Variants in LAMA4 observed in about 807,000 individuals in gnomAD.
LAMA4 encodes the protein laminin subunit alpha 4.
LAMA4 carries 127 observed loss-of-function variants against 207.1 expected under a neutral mutation model. That is an observed-to-expected ratio of 0.61 (90% CI 0.53 to 0.71). The LOEUF (loss-of-function observed/expected upper bound fraction) is 0.71, where lower values mean the gene tolerates loss of function less well. LAMA4 is among the 30% of genes least tolerant of loss of function. The pLI, the probability that LAMA4 is intolerant of heterozygous loss-of-function variation, is 0.00. For missense variants in LAMA4, 2,093 were observed against 2,246.5 expected (o/e 0.93, Z 1.38); for synonymous variants, 761 against 816.0 (o/e 0.93, Z 1.15).
chr6:112,165,617 C>G (rs1157807708), intron 12 of LAMA4, among the ~76,000 whole-genome samples: 1 of 152,120 alleles, frequency 6.6e-6, no homozygotes, highest in Non-Finnish European at 1.5e-5. Flanking sequence ...AACACAGGCT[C>G]TATATTTGCA....
At chr6:112,173,604 C>T (rs1781850007) in intron 11 of LAMA4, among the ~76,000 whole-genome samples, 1 of 152,184 alleles carries the variant, frequency 6.6e-6, no homozygotes, top group African/African-American at 2.4e-5. Context: ...CTGGCATTGA[C>T]TGACATCTGA....
At chr6:112,178,579 A>C in intron 9 of LAMA4, 3 of 290,144 alleles carry the variant, frequency 1.0e-5, no homozygotes, top group South Asian at 3.5e-5. Context: ...TCCCCACTCC[A>C]CTCTTCCCTG....
chr6:112,181,182 C>T (rs1771807793), intron 9 of LAMA4, among the ~76,000 whole-genome samples: 1 of 152,154 alleles, frequency 6.6e-6, no homozygotes, highest in South Asian at 2.1e-4. Flanking sequence ...CAAATGAAGG[C>T]AAGACAGCAA....
intron 13 of LAMA4, among the ~76,000 whole-genome samples, chr6:112,163,672 A>G (rs1253166292): frequency 1.3e-5 from 2 of 152,192 alleles, no homozygotes; most frequent in African/African-American, 4.8e-5. Context: ...AGAAACAGCA[A>G]TGATAAGTCA....
intron 2 of LAMA4, among the ~76,000 whole-genome samples, chr6:112,221,328 T>G (rs1334913913): frequency 6.6e-6 from 1 of 152,196 alleles, no homozygotes; most frequent in Non-Finnish European, 1.5e-5. Context: ...CAACCAAAGA[T>G]CTACGAACAT....
intron 2 of LAMA4, among the ~76,000 whole-genome samples, chr6:112,226,385 T>A (rs1251435531): frequency 1.3e-5 from 2 of 152,148 alleles, no homozygotes; most frequent in Admixed American, 1.3e-4. Context: ...CCCTCATGAA[T>A]ATCATGCTTT....
rs3734286 is a variant in LAMA4 at position 112,150,486 on chromosome 6, G to C, written c.2173+25C>G. On this transcript the variant is annotated intron_variant, in intron 17 of 38. Transcript: ENST00000230538. ...TACACTCCAGTGAATCAACAGATGA[G>C]ACTTCAATTCTCTCTGATGCTTACC... 0.28 allele frequency: 381,529 copies of C among 1,380,656 alleles called. 55,647 individuals carry two copies. The highest frequency in any genetic ancestry group is 0.43 in the African/African-American group (30,513 of 70,320). 85.5% of individuals were successfully genotyped at this position (1,380,656 alleles called of 1,614,324 possible).
At chr6:112,150,033 T>C (rs776940107) in intron 17 of LAMA4, among the ~76,000 whole-genome samples, 1 of 152,204 alleles carries the variant, frequency 6.6e-6, no homozygotes, top group African/African-American at 2.4e-5. Context: ...CTATTTGGTC[T>C]CTGGGCCTGT....
chr6:112,115,922 G>A lies in LAMA4; in HGVS notation c.5053C>T (p.Leu1685=). 6.2e-7 allele frequency: 1 copy of A among 1,613,528 alleles called. No individual in the cohort carries two copies. Among genetic ancestry groups the A allele is most frequent in the Non-Finnish European group, 8.5e-7 (1 of 1,179,556 alleles). The change falls in exon 36 of 39, where the codon CTG becomes TTG. Residue 1685 remains leucine (L), a synonymous_variant. Coordinates refer to ENST00000230538, the MANE Select transcript of LAMA4 (RefSeq NM_001105206.3). ...CCATTGACACTGTGGCCGTGGACCA[G>A]GGTTCCGGAACTGCTTCTGGGACGG... ...EVRPRSSSGT[L]VHGHSVNGEY...
rs782300503 is a variant in LAMA4, at chr6:112,114,747, T to C, written c.5122A>G (p.Lys1708Glu). 1.2e-6 allele frequency: 2 copies of C among 1,607,908 alleles called. No homozygotes were observed. Among genetic ancestry groups the C allele is most frequent in the African/African-American group, 1.3e-5 (1 of 74,744 alleles). The change falls in exon 37 of 39, where the codon AAA (lysine) becomes GAA (glutamate). Residue 1708 changes from lysine (K) to glutamate (E), a missense_variant. By Grantham distance (56) the Lys-to-Glu change is moderately conservative. Transcript: ENST00000230538. ...VHMKNGQVIV[K>E]VNNGIRDFST... ...AAATCTCTGATGCCATTATTGACTTTCACTATGACCTGCAAAAGATAGGAC... is the reference window on the plus strand; with the variant it reads ...AAATCTCTGATGCCATTATTGACTTCCACTATGACCTGCAAAAGATAGGAC...
At chr6:112,215,336 C>A (rs1784567498) in intron 3 of LAMA4, among the ~76,000 whole-genome samples, 1 of 152,150 alleles carries the variant, frequency 6.6e-6, no homozygotes, top group Non-Finnish European at 1.5e-5. Context: ...ATGGCAACTT[C>A]TAGGGTTAAA....
chr6:112,235,187 C>A (rs1785830213), intron 2 of LAMA4, among the ~76,000 whole-genome samples: 1 of 152,212 alleles, frequency 6.6e-6, no homozygotes. Flanking sequence ...TGAAATACCC[C>A]TTTTTCCTTG....
intron 28 of LAMA4, among the ~76,000 whole-genome samples, chr6:112,131,980 T>C (rs116463724): frequency 0.01 from 1,585 of 152,230 alleles, 24 homozygotes; most frequent in African/African-American, 0.034. Context: ...TAAGCTGAGC[T>C]CAAATGCTCT....
At chr6:112,202,311 C>T (rs1783797355) in intron 4 of LAMA4, among the ~76,000 whole-genome samples, 1 of 151,892 alleles carries the variant, frequency 6.6e-6, no homozygotes, top group African/African-American at 2.4e-5. Context: ...GGACACAGGA[C>T]AAAAAAGTAA....
In LAMA4 at chr6:112,155,791, C is replaced by T. The variant is rs148256953; in HGVS notation, c.1818-85G>A. ...TTTAATGCTTGCTTTTTAAATACTT[C>T]TAGGATCACAGATGCTTCCTTCCTG... On this transcript the variant is annotated intron_variant, in intron 14 of 38. Coordinates refer to ENST00000230538, the MANE Select transcript of LAMA4 (RefSeq NM_001105206.3). 3.8e-4 allele frequency: 561 copies of T among 1,464,428 alleles called. 3 individuals carry two copies. Among genetic ancestry groups the T allele is most frequent in the Middle Eastern group, 1.7e-3 (10 of 5,762 alleles). The allele number at this position is 1,464,428 out of a possible 1,614,324, so 90.7% of individuals were successfully genotyped here.
intron 5 of LAMA4, among the ~76,000 whole-genome samples, chr6:112,192,658 C>T (rs1783186365): frequency 6.6e-6 from 1 of 152,208 alleles, no homozygotes; most frequent in South Asian, 2.1e-4. Flanking sequence ...GAGAGCCCAG[C>T]TGAGTTGGAG....
intron 2 of LAMA4, among the ~76,000 whole-genome samples, chr6:112,246,412 A>G (rs920844570): frequency 2.6e-5 from 4 of 152,134 alleles, no homozygotes; most frequent in Admixed American, 2.0e-4. Context: ...AAAAAACTCT[A>G]AAGTAGGGGA....
At chr6:112,116,019 C>T (rs782250579) in intron 35 of LAMA4, 26 bp from the exon 36 acceptor site, 2 of 1,600,362 alleles carry the variant, frequency 1.2e-6, no homozygotes, top group Non-Finnish European at 1.7e-6. Flanking sequence ...CTATAAACTC[C>T]CAAGAACAGC....
chr6:112,231,367 C>G (rs1157347243), intron 2 of LAMA4, among the ~76,000 whole-genome samples: 5 of 152,194 alleles, frequency 3.3e-5, no homozygotes, highest in African/African-American at 7.2e-5. Flanking sequence ...GACACCCAGA[C>G]TATCAGATAG....
Sources: gnomAD v4.1 joint callset for allele counts (sites outside exome capture counted in the v4.1 genomes callset) on GRCh38, gnomAD v4.1.1 for gene constraint, MANE v1.5 for transcripts, NCBI Gene and HGNC (gene_info 2026-07-23, HGNC 2026-07-21) for gene names.